The following LRMDA variants were observed in gnomAD, a reference collection of about 807,000 sequenced individuals.
LRMDA encodes leucine rich melanocyte differentiation associated.
LRMDA carries 18 observed loss-of-function variants against 29.8 expected under a neutral mutation model. The observed-to-expected ratio is 0.60, with a 90% CI of 0.42 to 0.90. The LOEUF (loss-of-function observed/expected upper bound fraction) is 0.90, where lower values mean the gene tolerates loss of function less well. Ranked by LOEUF, LRMDA falls within the 40% of genes least tolerant of loss-of-function variation. The pLI, the probability that LRMDA is intolerant of heterozygous loss-of-function variation, is 0.00. For missense variants in LRMDA, 273 were observed against 273.9 expected (o/e 1.00, Z 0.02); for synonymous variants, 125 against 109.4 (o/e 1.14, Z -0.89).
intron 2 of LRMDA, among the ~76,000 whole-genome samples, chr10:75,569,631 G>A (rs139288209): frequency 6.6e-6 from 1 of 152,272 alleles, no homozygotes; most frequent in Non-Finnish European, 1.5e-5. Context: ...CACTTAGCAG[G>A]TGCTATATAT....
intron 2 of LRMDA, among the ~76,000 whole-genome samples, chr10:75,815,792 T>C (rs1355102626): frequency 1.3e-5 from 2 of 152,226 alleles, no homozygotes; most frequent in Admixed American, 6.5e-5. Flanking sequence ...TTGGCTGATA[T>C]ACTAATGAAC....
intron 5 of LRMDA, among the ~76,000 whole-genome samples, chr10:76,259,777 T>C (rs1268434555): frequency 1.3e-5 from 2 of 152,150 alleles, no homozygotes; most frequent in Non-Finnish European, 2.9e-5. Context: ...TGCATATATA[T>C]TTACAGTTCT....
At chr10:76,363,141 G>GAA (rs1251761667) in intron 6 of LRMDA, among the ~76,000 whole-genome samples, 1 of 31,144 alleles carries the variant, frequency 3.2e-5, no homozygotes, top group African/African-American at 1.5e-4. Flanking sequence ...AAGAAAGAAA[G>GAA]AAAGAAAGAA....
At chr10:76,487,709 T>G (rs1842796265) in intron 6 of LRMDA, among the ~76,000 whole-genome samples, 1 of 151,838 alleles carries the variant, frequency 6.6e-6, no homozygotes, top group East Asian at 1.9e-4. Flanking sequence ...AAAGCTAACT[T>G]GGATTGAGCT....
chr10:76,015,007 C>T (rs1425838313), intron 2 of LRMDA, among the ~76,000 whole-genome samples: 1 of 152,212 alleles, frequency 6.6e-6, no homozygotes, highest in African/African-American at 2.4e-5. Flanking sequence ...AAATGTAAAG[C>T]AACTGCCATT....
intron 5 of LRMDA, among the ~76,000 whole-genome samples, chr10:76,114,015 C>T (rs1335286172): frequency 6.6e-6 from 1 of 152,170 alleles, no homozygotes; most frequent in African/African-American, 2.4e-5. Context: ...TTTTTTCGGC[C>T]TGTCAGACTT....
At chr10:75,825,640 T>C (rs1428106846) in intron 2 of LRMDA, among the ~76,000 whole-genome samples, 1 of 152,172 alleles carries the variant, frequency 6.6e-6, no homozygotes, top group Non-Finnish European at 1.5e-5. Context: ...AGAAAATATC[T>C]ATTGCACATT....
intron 2 of LRMDA, among the ~76,000 whole-genome samples, chr10:75,868,613 A>G (rs917227910): frequency 2.0e-4 from 30 of 152,190 alleles, no homozygotes. Context: ...GTGTAAAGAA[A>G]AGATACTCTT....
intron 2 of LRMDA, among the ~76,000 whole-genome samples, chr10:75,463,851 G>C (rs1844619558): frequency 6.6e-6 from 1 of 152,098 alleles, no homozygotes; most frequent in Non-Finnish European, 1.5e-5. Context: ...ATTTTTAGTA[G>C]AGATGGGGTT....
At position 75,695,383 on chromosome 10, in the gene LRMDA, T is replaced by TA. The variant is rs919079203; in HGVS notation, c.131+256897dup. 5.3e-5 allele frequency among the ~76,000 whole-genome samples: 8 copies of TA among 152,022 alleles called. No individual in the cohort carries two copies. The East Asian group carries it at 5.8e-4, about 11-fold the overall frequency. ...CTCTTATGTCTTAAAAATTGTAGAT[T>TA]AAAAAAAACTAGTTTTTTTTTTGCT... is the stretch of plus-strand genomic sequence containing the variant. On this transcript the variant is annotated intron_variant, in intron 2 of 6. Coordinates refer to ENST00000611255, the MANE Select transcript of LRMDA (RefSeq NM_001305581.2).
chr10:75,638,063 C>T (rs990091503), intron 2 of LRMDA, among the ~76,000 whole-genome samples: 7 of 152,044 alleles, frequency 4.6e-5, no homozygotes, highest in Admixed American at 4.6e-4. Context: ...TTTATTTTAA[C>T]CTTTGAAACT....
At chr10:76,069,616 C>A (rs79037499) in intron 5 of LRMDA, among the ~76,000 whole-genome samples, 1 of 104,568 alleles carries the variant, frequency 9.6e-6, no homozygotes, top group African/African-American at 3.5e-5. Context: ...TTTTTTTTTT[C>A]TTTTTTGAAG....
chr10:75,458,993 G>A (rs1037456365), intron 2 of LRMDA, among the ~76,000 whole-genome samples: 15 of 95,846 alleles, frequency 1.6e-4, no homozygotes, highest in Non-Finnish European at 2.5e-4. Context: ...TTCAGGGTCT[G>A]CTTTAGATTT....
chr10:76,497,373 A>G (rs937147926), intron 6 of LRMDA, among the ~76,000 whole-genome samples: 3 of 75,070 alleles, frequency 4.0e-5, no homozygotes, highest in African/African-American at 9.7e-5. Flanking sequence ...TTCCAAAATT[A>G]TGGAGGAGAG....
intron 6 of LRMDA, among the ~76,000 whole-genome samples, chr10:76,390,984 A>G (rs1221774851): frequency 1.3e-5 from 2 of 152,200 alleles, no homozygotes; most frequent in Non-Finnish European, 2.9e-5. Context: ...TTTTCAACAT[A>G]TGATAGTCAT....
chr10:76,073,361 C>T lies in LRMDA; in HGVS notation c.516+14578C>T, dbSNP rs571526390. On this transcript the variant is annotated intron_variant, in intron 5 of 6. Transcript: ENST00000611255. The stretch of plus-strand genomic sequence containing the variant: ...TTAGAAATCCTTTTCTAAATGTGTT[C>T]TTGATGTGTTTAATGTTTTACTTTT... Among the ~76,000 whole-genome samples, 35 of 152,140 alleles carry T rather than the reference C, an allele frequency of 2.3e-4. No homozygotes were observed. The South Asian group carries it at 3.1e-3, about 14-fold the overall frequency.
intron 6 of LRMDA, among the ~76,000 whole-genome samples, chr10:76,493,782 T>C (rs1235942028): frequency 1.3e-5 from 2 of 152,098 alleles, no homozygotes; most frequent in East Asian, 1.9e-4. Flanking sequence ...AAAATCCTGC[T>C]AGAATTTTGA....
At chr10:75,689,016 A>G (rs1191084116) in intron 2 of LRMDA, among the ~76,000 whole-genome samples, 2 of 151,558 alleles carry the variant, frequency 1.3e-5, no homozygotes, top group Non-Finnish European at 2.9e-5. Flanking sequence ...CATAACTTTT[A>G]TATGTATGGG....
chr10:75,736,890 C>T (rs1054867854), intron 2 of LRMDA, among the ~76,000 whole-genome samples: 4 of 152,134 alleles, frequency 2.6e-5, no homozygotes, highest in Admixed American at 6.5e-5. Context: ...GCCATGCAGA[C>T]GCCAACTGCC....
Sources: allele counts gnomAD v4.1 joint callset (sites outside exome capture counted in the v4.1 genomes callset), GRCh38; gene constraint gnomAD v4.1.1; transcripts MANE v1.5; gene names NCBI Gene and HGNC (gene_info 2026-07-23, HGNC 2026-07-21).